The following GRID1 variants were observed in gnomAD, a reference collection of about 807,000 sequenced individuals.
GRID1 encodes glutamate ionotropic receptor delta type subunit 1, also known as glutamate receptor ionotropic, delta-1.
GRID1 carries 28 observed loss-of-function variants against 98.0 expected under a neutral mutation model. That is an observed-to-expected ratio of 0.29 (90% CI 0.21 to 0.39). GRID1 has a LOEUF of 0.39. Ranked by LOEUF, GRID1 falls within the 10% of genes least tolerant of loss-of-function variation. GRID1 has a pLI of 1.00. For synonymous variants in GRID1, 553 were observed against 538.5 expected (o/e 1.03, Z -0.37); for missense variants, 1,111 against 1,340.5 (o/e 0.83, Z 2.67).
intron 2 of GRID1, among the ~76,000 whole-genome samples, chr10:86,275,365 C>T (rs1210018675): frequency 6.6e-6 from 1 of 151,004 alleles, no homozygotes; most frequent in African/African-American, 2.4e-5. Context: ...AAAAAGGACA[C>T]AAAGAAACAA....
chr10:85,656,622 C>T (rs1840898018), intron 12 of GRID1, among the ~76,000 whole-genome samples: 1 of 152,184 alleles, frequency 6.6e-6, no homozygotes, highest in African/African-American at 2.4e-5. Flanking sequence ...TCTAGTTCTC[C>T]CATGTCAATC....
In GRID1 at chr10:85,599,802, A is replaced by AAAAAAAAAAAAAAAAAAAAAAATATATAT; in HGVS notation, c.*2470_*2471insATATATATTTTTTTTTTTTTTTTTTTTTT. The AAAAAAAAAAAAAAAAAAAAAAATATATAT allele has an allele frequency of 1.5e-5, 1 of 65,000 alleles. No homozygotes were observed. The highest frequency in any genetic ancestry group is 9.3e-5 in the African/African-American group (1 of 10,730). 4.0% of individuals were successfully genotyped at this position (65,000 alleles called of 1,614,324 possible). On this transcript the variant is annotated 3_prime_UTR_variant, in exon 16 of 16. Transcript: ENST00000327946. ...GTAGAAAATTCTAAAAAAAAAAAAA[A>AAAAAAAAAAAAAAAAAAAAAAATATATAT]ATATATATATATATATATAAACATG...
intron 4 of GRID1, among the ~76,000 whole-genome samples, chr10:86,017,753 AT>A (rs1186508951): frequency 6.6e-6 from 1 of 152,180 alleles, no homozygotes; most frequent in African/African-American, 2.4e-5. Context: ...ATTGTGAATG[AT>A]TAGTAGTTCT....
chr10:86,198,681 G>A (rs1845908659), intron 3 of GRID1, among the ~76,000 whole-genome samples: 1 of 152,180 alleles, frequency 6.6e-6, no homozygotes, highest in African/African-American at 2.4e-5. Context: ...TGGCAGCGGA[G>A]CTGGGATTCA....
chr10:86,282,072 G>A (rs1275764198), intron 2 of GRID1, among the ~76,000 whole-genome samples: 1 of 152,200 alleles, frequency 6.6e-6, no homozygotes, highest in Admixed American at 6.5e-5. Context: ...CCTTGGACAA[G>A]TGATTCCACC....
chr10:85,767,543 A>T (rs1334882401), intron 8 of GRID1, among the ~76,000 whole-genome samples: 1 of 152,222 alleles, frequency 6.6e-6, no homozygotes, highest in African/African-American at 2.4e-5. Flanking sequence ...ACGACCTGAA[A>T]GTTCTGAGTC....
chr10:85,782,028 C>T (rs1842386205), intron 8 of GRID1, among the ~76,000 whole-genome samples: 1 of 152,036 alleles, frequency 6.6e-6, no homozygotes, highest in Non-Finnish European at 1.5e-5. Flanking sequence ...AATTAATCTT[C>T]CTAAAGGCAA....
At chr10:85,923,646 G>T (rs1841736253) in intron 4 of GRID1, among the ~76,000 whole-genome samples, 1 of 152,202 alleles carries the variant, frequency 6.6e-6, no homozygotes, top group Non-Finnish European at 1.5e-5. Context: ...AGACTCAGAA[G>T]GATGAAGTGA....
chr10:86,076,301 A>C (rs1843879409), intron 4 of GRID1, among the ~76,000 whole-genome samples: 1 of 152,244 alleles, frequency 6.6e-6, no homozygotes. Context: ...GTAAGTTTAA[A>C]GAAAGAAACA....
Position 86,116,108 on chromosome 10 carries a change from A to G in GRID1, c.726+22711T>C, listed in dbSNP as rs567988981. 3.3e-5 allele frequency among the ~76,000 whole-genome samples: 5 copies of G among 152,290 alleles called. No individual in the cohort carries two copies. The South Asian group carries it at 1.0e-3, about 32-fold the overall frequency. ...TCTATGGGGTTCGTACAATGATGAC[A>G]TCGCCTAACAATGCATTTCTCAGGA... is the stretch of plus-strand genomic sequence containing the variant. On this transcript the variant is annotated intron_variant, in intron 4 of 15. Transcript: ENST00000327946.
intron 12 of GRID1, among the ~76,000 whole-genome samples, chr10:85,713,199 GA>G (rs949862804): frequency 2.7e-5 from 4 of 150,932 alleles, no homozygotes; most frequent in Non-Finnish European, 3.0e-5. Flanking sequence ...AAGTTTCAAA[GA>G]AAAAAAATTA....
At chr10:85,989,409 T>C (rs1438860444) in intron 4 of GRID1, among the ~76,000 whole-genome samples, 1 of 148,382 alleles carries the variant, frequency 6.7e-6, no homozygotes, top group Non-Finnish European at 1.5e-5. Flanking sequence ...GACTGGTACC[T>C]GCATTTTCCT....
intron 8 of GRID1, among the ~76,000 whole-genome samples, chr10:85,778,540 G>A (rs191108647): frequency 7.4e-4 from 113 of 152,228 alleles, no homozygotes; most frequent in African/African-American, 2.3e-3. Context: ...TCCTGACCTC[G>A]GAAAACTCAC....
At chr10:85,708,079 G>A (rs1484160055) in intron 12 of GRID1, among the ~76,000 whole-genome samples, 11 of 149,594 alleles carry the variant, frequency 7.4e-5, no homozygotes, top group Non-Finnish European at 1.5e-4. Context: ...AAACCTGCAC[G>A]TTGTGCACGT....
intron 5 of GRID1, among the ~76,000 whole-genome samples, chr10:85,913,716 G>C (rs1449536492): frequency 6.6e-6 from 1 of 152,154 alleles, no homozygotes; most frequent in African/African-American, 2.4e-5. Flanking sequence ...TTGAGGCCCG[G>C]GAGGCAGAGG....
intron 5 of GRID1, among the ~76,000 whole-genome samples, chr10:85,897,758 C>A (rs1216167511): frequency 6.6e-6 from 1 of 152,098 alleles, no homozygotes; most frequent in Non-Finnish European, 1.5e-5. Flanking sequence ...TCTTTCTTAG[C>A]ATTCTTCAAA....
intron 4 of GRID1, among the ~76,000 whole-genome samples, chr10:86,104,052 G>A (rs547633226): frequency 6.6e-6 from 1 of 152,286 alleles, no homozygotes; most frequent in Non-Finnish European, 1.5e-5. Flanking sequence ...GTGTAAGGGT[G>A]CACATGTGCA....
intron 15 of GRID1, 162 bp downstream of exon 15, chr10:85,613,245 C>A: frequency 1.4e-6 from 1 of 735,080 alleles, no homozygotes; most frequent in Non-Finnish European, 2.2e-6. Flanking sequence ...GTTTTAAAAA[C>A]AAAATAAAAC....
At chr10:85,873,086 C>T (rs1375177163) in intron 5 of GRID1, among the ~76,000 whole-genome samples, 1 of 152,194 alleles carries the variant, frequency 6.6e-6, no homozygotes. Flanking sequence ...TCCTGGGTCT[C>T]TTGTAGTGCC....
Sources: gnomAD v4.1 joint callset for allele counts (sites outside exome capture counted in the v4.1 genomes callset) on GRCh38, gnomAD v4.1.1 for gene constraint, MANE v1.5 for transcripts, NCBI Gene and HGNC (gene_info 2026-07-23, HGNC 2026-07-21) for gene names.